Variants in RASA3 observed in about 807,000 individuals in gnomAD.
RASA3 encodes the protein ras GTPase-activating protein 3.
RASA3 carries 73 observed loss-of-function variants against 110.0 expected under a neutral mutation model. The observed-to-expected ratio is 0.66, with a 90% CI of 0.55 to 0.81. The LOEUF is 0.81. Ranked by LOEUF, RASA3 falls within the 30% of genes least tolerant of loss-of-function variation. RASA3 has a pLI of 0.00. For missense variants in RASA3, 976 were observed against 1,113.2 expected (o/e 0.88, Z 1.75); for synonymous variants, 500 against 451.4 (o/e 1.11, Z -1.37).
intron 1 of RASA3, among the ~76,000 whole-genome samples, chr13:114,126,716 T>A (rs1436481504): frequency 6.6e-6 from 1 of 152,214 alleles, no homozygotes; most frequent in Admixed American, 6.5e-5. Flanking sequence ...TCTGCTAGAA[T>A]AATACCTCCC....
At chr13:114,049,124 C>A (rs575244264) in intron 3 of RASA3, among the ~76,000 whole-genome samples, 23 of 152,202 alleles carry the variant, frequency 1.5e-4, no homozygotes, top group African/African-American at 5.5e-4. Flanking sequence ...ACAGCTGTGG[C>A]TGCCCCAAGG....
rs374367602 is a variant in RASA3, at chr13:114,029,938, G to A, written c.373-51C>T. 1.2e-4 allele frequency: 174 copies of A among 1,491,752 alleles called. 1 individual carries two copies. Among genetic ancestry groups the A allele is most frequent in the Middle Eastern group, 6.4e-4 (3 of 4,692 alleles). 92.4% of individuals were successfully genotyped at this position (1,491,752 alleles called of 1,614,324 possible). A position where few individuals can be genotyped will look rare whatever the true frequency, so the allele number is the denominator to read the frequency against. On this transcript the variant is annotated intron_variant, in intron 4 of 23. Transcript: ENST00000334062. ...AGAGGCTGTGGCGCTGCTCCCACAG[G>A]CCACTAGGGCCGCGCGCCCAGGGAA...
At chr13:114,030,499 GAGGGCAAGACTCACACA>G (rs1566501930) in intron 4 of RASA3, among the ~76,000 whole-genome samples, 61 of 106,662 alleles carry the variant, frequency 5.7e-4, no homozygotes, top group South Asian at 1.0e-3. Flanking sequence ...GACTCACACA[GAGGGCAAGACTCACACA>G]GAGAGCAAGA....
intron 1 of RASA3, among the ~76,000 whole-genome samples, chr13:114,079,818 T>C (rs2079752440): frequency 6.6e-6 from 1 of 151,800 alleles, no homozygotes; most frequent in African/African-American, 2.4e-5. Flanking sequence ...TGGGCCTGAG[T>C]GCCCGTCCGC....
At position 114,018,236 on chromosome 13, in the gene RASA3, G is replaced by A. The variant is rs199737016; in HGVS notation, c.959C>T (p.Ala320Val). 1.9e-5 allele frequency: 29 copies of A among 1,553,008 alleles called. No homozygotes were observed. The highest frequency in any genetic ancestry group is 1.2e-4 in the Admixed American group (6 of 51,592). Reference sequence around the variant, plus strand: ...GCAAACCTCGCCCAGGATGTGGGCCGCAGACGCTGACACGGGCTGCGGGGA... The same window carrying A: ...GCAAACCTCGCCCAGGATGTGGGCCACAGACGCTGACACGGGCTGCGGGGA... The part of the protein sequence containing the change: ...SADVEPVSAS[A>V]AHILGEVCRE... Residue 320 changes from alanine to valine, a missense_variant, in exon 11 of 24, where the codon GCG becomes GTG. Physicochemically the swap from Ala to Val is moderately conservative, Grantham distance 64. This residue lies in a region of RASA3 where 732 missense variants were observed against 779.7 expected (regional missense o/e 0.94). Transcript: ENST00000334062.
At chr13:114,119,395 C>A (rs895758930) in intron 1 of RASA3, among the ~76,000 whole-genome samples, 4 of 152,158 alleles carry the variant, frequency 2.6e-5, no homozygotes, top group Admixed American at 1.3e-4. Flanking sequence ...ATTCAGGAAG[C>A]GGTACGGAGG....
Position 114,067,053 on chromosome 13 carries a change from T to C in RASA3, c.173+6667A>G, listed in dbSNP as rs1385761654. 1.0e-4 allele frequency among the ~76,000 whole-genome samples: 14 copies of C among 133,784 alleles called. No individual in the cohort carries two copies. The South Asian group carries it at 1.3e-3, about 12-fold the overall frequency. 87.8% of individuals were successfully genotyped at this position (133,784 alleles called of 152,430 possible). On this transcript the variant is annotated intron_variant, in intron 2 of 23. Coordinates refer to ENST00000334062, the MANE Select transcript of RASA3 (RefSeq NM_007368.4). ...TGACCTGGGCTGAGGACTGGCCCCCTGACCTGGGCTGAGGACAGGCCCCCC... is the reference window on the plus strand; with the variant it reads ...TGACCTGGGCTGAGGACTGGCCCCCCGACCTGGGCTGAGGACAGGCCCCCC...
intron 2 of RASA3, among the ~76,000 whole-genome samples, chr13:114,059,858 T>C (rs952599848): frequency 4.6e-5 from 7 of 152,220 alleles, no homozygotes; most frequent in African/African-American, 1.4e-4. Context: ...CGTTCTAGAC[T>C]GTGGGAATAG....
At chr13:113,995,791 G>GA (rs2053229372) in intron 21 of RASA3, among the ~76,000 whole-genome samples, 1 of 55,128 alleles carries the variant, frequency 1.8e-5, no homozygotes. Context: ...GGCTGACGGG[G>GA]GGTCCGGCTG....
Position 114,076,334 on chromosome 13 carries a change from C to T in RASA3, c.56-2497G>A, listed in dbSNP as rs569326348. On this transcript the variant is annotated intron_variant, in intron 1 of 23. Coordinates refer to ENST00000334062, the MANE Select transcript of RASA3 (RefSeq NM_007368.4). ...ACTGGACCCTCAGAACACCTCAACA[C>T]GGCGACTCTCCCGGGATGCGCCTTC... Among the ~76,000 whole-genome samples, 22 of 152,292 alleles carry T rather than the reference C, an allele frequency of 1.4e-4. No individual in the cohort carries two copies. In the East Asian group the frequency reaches 3.3e-3, roughly 23 times the overall value.
chr13:114,109,517 G>A lies in RASA3; in HGVS notation c.55+22918C>T, dbSNP rs549531223. The stretch of plus-strand genomic sequence containing the variant: ...CGACCAACATTTACTCAGCACCTAC[G>A]GTGGGCTGCGGACGTTGACACAGGG... On this transcript the variant is annotated intron_variant, in intron 1 of 23. Transcript: ENST00000334062. Among the ~76,000 whole-genome samples, 12 of 152,290 alleles carry A rather than the reference G, an allele frequency of 7.9e-5. No individual in the cohort carries two copies. In the East Asian group the frequency reaches 1.5e-3, roughly 20 times the overall value.
intron 18 of RASA3, 51 bp downstream of exon 18, chr13:114,007,482 C>T (rs1319877944): frequency 2.3e-6 from 3 of 1,305,578 alleles, no homozygotes; most frequent in Admixed American, 1.8e-5. Context: ...CTGGACACCA[C>T]CTTACCCTTC....
At position 114,104,121 on chromosome 13, in the gene RASA3, A is replaced by G. The variant is rs2080099765; in HGVS notation, c.55+28314T>C. On this transcript the variant is annotated intron_variant, in intron 1 of 23. Coordinates refer to ENST00000334062, the MANE Select transcript of RASA3 (RefSeq NM_007368.4). ...TCACGGCCACGGACACCCACCCCTG[A>G]TGCGTCCACACTGCCACGGCCACGG... Among the ~76,000 whole-genome samples the G allele has an allele frequency of 1.4e-4, 2 of 14,170 alleles. 1 individual carries two copies. The highest frequency in any genetic ancestry group is 2.8e-4 in the Non-Finnish European group (2 of 7,206). The allele number at this position is 14,170 out of a possible 152,430, so 9.3% of individuals were successfully genotyped here. A position where few individuals can be genotyped will look rare whatever the true frequency, so the allele number is the denominator to read the frequency against.
chr13:114,088,404 C>A (rs9590428), intron 1 of RASA3, among the ~76,000 whole-genome samples: 1,834 of 152,232 alleles, frequency 0.012, 27 homozygotes, highest in African/African-American at 0.043. Flanking sequence ...TGCTCTGATC[C>A]CTTCTACAGC....
chr13:113,990,325 C>A (rs544646826), intron 22 of RASA3, among the ~76,000 whole-genome samples: 2 of 152,172 alleles, frequency 1.3e-5, no homozygotes, highest in Admixed American at 6.5e-5. Flanking sequence ...CAGCCTGATG[C>A]GCAAGGGTGT....
At chr13:114,077,523 G>A (rs141552677) in intron 1 of RASA3, among the ~76,000 whole-genome samples, 6,262 of 90,648 alleles carry the variant, frequency 0.069, 233 homozygotes, top group Middle Eastern at 0.2. Flanking sequence ...CCAACGCACC[G>A]GATTCATCCC....
At chr13:113,995,144 T>G (rs9314901) in intron 21 of RASA3, among the ~76,000 whole-genome samples, 107,626 of 152,140 alleles carry the variant, frequency 0.71, 38,915 homozygotes, top group African/African-American at 0.87. Context: ...CTCATGGAGA[T>G]AAATGGCCTG....
At chr13:114,075,130 C>T (rs1257304007) in intron 1 of RASA3, among the ~76,000 whole-genome samples, 3 of 152,248 alleles carry the variant, frequency 2.0e-5, no homozygotes, top group Admixed American at 1.3e-4. Context: ...AAGGCTCCTG[C>T]TGGCGCCACT....
rs752013352 is a variant in RASA3, at chr13:114,011,152, A to ATC, written c.1590+18_1590+19insGA. ...AATCAGTTGTCCCTAAAAAGAGAAAATGAAGAAGAGGGACTCACAGATTTG... is the reference window on the plus strand; with the variant it reads ...AATCAGTTGTCCCTAAAAAGAGAAAATCTGAAGAAGAGGGACTCACAGATTTG... On this transcript the variant is annotated intron_variant, in intron 16 of 23. Transcript: ENST00000334062. This position sits in a 1 kb window ranked among gnomAD's most constrained non-coding sequence, Gnocchi z 4.8. The ATC allele has an allele frequency of 1.3e-6, 2 of 1,589,550 alleles. No individual in the cohort carries two copies. The highest frequency in any genetic ancestry group is 2.7e-5 in the African/African-American group (2 of 74,348).
Sources: allele counts gnomAD v4.1 joint callset (sites outside exome capture counted in the v4.1 genomes callset), GRCh38; gene constraint gnomAD v4.1.1; regional missense constraint gnomAD v4.1.1; non-coding constraint Gnocchi (gnomAD v3.1); transcripts MANE v1.5; gene names NCBI Gene and HGNC (gene_info 2026-07-23, HGNC 2026-07-21).